Variants in SNTG2 observed in about 807,000 individuals in gnomAD.
The protein encoded by SNTG2 is gamma-2-syntrophin.
Under a neutral mutation model 70.9 loss-of-function variants are expected in SNTG2, and 74 were observed. The observed-to-expected ratio is 1.04, with a 90% confidence interval of 0.86 to 1.27. SNTG2 has a LOEUF of 1.27. SNTG2 is among the 50% of genes most tolerant of loss of function. The pLI is 0.00. For synonymous variants in SNTG2, 278 were observed against 273.8 expected (o/e 1.02, Z -0.15); for missense variants, 717 against 690.7 (o/e 1.04, Z -0.43).
chr2:1,061,350 C>G (rs967359977), intron 1 of SNTG2, among the ~76,000 whole-genome samples: 1 of 152,164 alleles, frequency 6.6e-6, no homozygotes, highest in Admixed American at 6.5e-5. Flanking sequence ...ATTGTGAGAT[C>G]ATGATCAATG....
At chr2:1,080,698 G>A (rs542330039) in intron 1 of SNTG2, among the ~76,000 whole-genome samples, 51 of 152,106 alleles carry the variant, frequency 3.4e-4, no homozygotes, top group African/African-American at 1.2e-3. Context: ...GAGTGTTTGG[G>A]CATGTGTGGA....
chr2:1,235,274 G>T (rs1409002947), intron 9 of SNTG2, among the ~76,000 whole-genome samples: 3 of 91,988 alleles, frequency 3.3e-5, no homozygotes, highest in Non-Finnish European at 4.6e-5. Flanking sequence ...GTCCCTGCAG[G>T]CCCCACCAGG....
chr2:1,118,249 C>A (rs1667162937), intron 4 of SNTG2, among the ~76,000 whole-genome samples: 2 of 152,066 alleles, frequency 1.3e-5, no homozygotes, highest in Non-Finnish European at 2.9e-5. Context: ...TGGGCCGTGT[C>A]AGACCCTGCG....
At chr2:1,035,314 ACAGG>A (rs766234633) in intron 1 of SNTG2, among the ~76,000 whole-genome samples, 5 of 152,190 alleles carry the variant, frequency 3.3e-5, no homozygotes, top group Non-Finnish European at 4.4e-5. Flanking sequence ...TTGCCCTGTG[ACAGG>A]CAGGCAGAGT....
intron 15 of SNTG2, among the ~76,000 whole-genome samples, chr2:1,310,237 T>G (rs1462264392): frequency 6.6e-6 from 1 of 152,150 alleles, no homozygotes; most frequent in Non-Finnish European, 1.5e-5. Flanking sequence ...GCTCCTCCTT[T>G]CCAGGAGCGA....
intron 15 of SNTG2, among the ~76,000 whole-genome samples, chr2:1,314,624 G>A (rs374476883): frequency 2.6e-5 from 4 of 152,296 alleles, no homozygotes; most frequent in South Asian, 2.1e-4. Context: ...TCTTCTGCTC[G>A]CGACAAGAAT....
intron 12 of SNTG2, among the ~76,000 whole-genome samples, chr2:1,247,800 C>G (rs913735956): frequency 3.3e-5 from 5 of 152,104 alleles, no homozygotes; most frequent in African/African-American, 1.2e-4. Flanking sequence ...TCTTTTTAGA[C>G]GTTTCCAATT....
At chr2:991,372 TACACAC>T (rs61002101) in intron 1 of SNTG2, among the ~76,000 whole-genome samples, 40 of 140,350 alleles carry the variant, frequency 2.9e-4, no homozygotes, top group East Asian at 1.9e-3. Flanking sequence ...TCTGTAATAT[TACACAC>T]ACACACACAC....
chr2:959,846 C>T (rs919273844), intron 1 of SNTG2, among the ~76,000 whole-genome samples: 1 of 151,480 alleles, frequency 6.6e-6, no homozygotes, highest in East Asian at 1.9e-4. Flanking sequence ...GCATGGTATC[C>T]GTATCTCAGT....
intron 13 of SNTG2, among the ~76,000 whole-genome samples, chr2:1,263,523 CATA>C (rs1164412845): frequency 2.0e-5 from 3 of 150,068 alleles, no homozygotes; most frequent in African/African-American, 7.4e-5. Context: ...GGAAAGGGAA[CATA>C]ATAAGATGAT....
intron 1 of SNTG2, among the ~76,000 whole-genome samples, chr2:1,060,256 A>G (rs528705544): frequency 6.6e-6 from 1 of 152,376 alleles, no homozygotes; most frequent in East Asian, 1.9e-4. Context: ...GAGGAAACCA[A>G]AGGTTCACTT....
At chr2:1,208,116 T>C (rs1673764932) in intron 8 of SNTG2, among the ~76,000 whole-genome samples, 1 of 152,182 alleles carries the variant, frequency 6.6e-6, no homozygotes, top group Admixed American at 6.5e-5. Flanking sequence ...CTGGACCCTA[T>C]GGTCCACAGA....
At position 1,239,819 on chromosome 2, in the gene SNTG2, A is replaced by G. The variant is rs755411792; in HGVS notation, c.888+43A>G. On this transcript the variant is annotated intron_variant, in intron 11 of 16. Coordinates refer to ENST00000308624, the MANE Select transcript of SNTG2 (RefSeq NM_018968.4). ...TGCTTCATGATGTAACACATCAGGT[A>G]GGGTTTGTATTTTCTGATTCATGAT... 1.9e-6 allele frequency: 3 copies of G among 1,601,556 alleles called. No homozygotes were observed. In the East Asian group the frequency reaches 6.7e-5, roughly 36 times the overall value.
chr2:1,360,316 C>T (rs551385357), intron 16 of SNTG2, among the ~76,000 whole-genome samples: 6 of 152,282 alleles, frequency 3.9e-5, no homozygotes, highest in African/African-American at 1.2e-4. Context: ...TGCCAGAAAG[C>T]TCCAGCCACC....
At chr2:1,048,189 T>C (rs1661850116) in intron 1 of SNTG2, among the ~76,000 whole-genome samples, 2 of 152,194 alleles carry the variant, frequency 1.3e-5, no homozygotes, top group Admixed American at 1.3e-4. Flanking sequence ...GCCTACTTTT[T>C]GTGTACACAT....
intron 1 of SNTG2, among the ~76,000 whole-genome samples, chr2:1,031,954 C>T (rs532824907): frequency 1.3e-5 from 2 of 152,096 alleles, no homozygotes; most frequent in South Asian, 4.2e-4. Context: ...CTAAAATTAG[C>T]AGTGATGGTT....
chr2:1,262,589 C>T (rs1213842184), intron 13 of SNTG2, among the ~76,000 whole-genome samples: 1 of 134,172 alleles, frequency 7.5e-6, no homozygotes, highest in South Asian at 2.6e-4. Context: ...AAGTCTCAGT[C>T]CAGACGAGGA....
At chr2:1,071,636 TTAAAG>T (rs1355927593) in intron 1 of SNTG2, among the ~76,000 whole-genome samples, 6 of 83,886 alleles carry the variant, frequency 7.2e-5, no homozygotes, top group African/African-American at 1.3e-4. Context: ...ACCCTAAAAC[TTAAAG>T]TATAATAATA....
chr2:1,080,346 A>G (rs1157694747), intron 1 of SNTG2, among the ~76,000 whole-genome samples: 1 of 152,176 alleles, frequency 6.6e-6, no homozygotes, highest in Non-Finnish European at 1.5e-5. Context: ...TTATTTTTAT[A>G]GGAATTTGAC....
Sources: gnomAD v4.1 joint callset for allele counts (sites outside exome capture counted in the v4.1 genomes callset) on GRCh38, gnomAD v4.1.1 for gene constraint, MANE v1.5 for transcripts, NCBI Gene and HGNC (gene_info 2026-07-23, HGNC 2026-07-21) for gene names.